Variants in TNN observed in about 807,000 individuals in gnomAD.
TNN encodes tenascin-N.
Under a neutral mutation model 134.4 loss-of-function variants are expected in TNN, and 122 were observed. That is an observed-to-expected ratio of 0.91 (90% CI 0.78 to 1.06). The LOEUF (loss-of-function observed/expected upper bound fraction) is 1.06, where lower values mean the gene tolerates loss of function less well. Ranked by LOEUF, TNN falls within the 50% of genes least tolerant of loss-of-function variation. The probability of loss-of-function intolerance (pLI) is 0.00; values close to 1 mark genes in which losing one functional copy is unlikely to be tolerated. For synonymous variants in TNN, 710 were observed against 670.3 expected, an observed-to-expected ratio of 1.06 and a Z score of -0.91; for missense variants, 1,739 against 1,699.4, an observed-to-expected ratio of 1.02 and a Z score of -0.41.
At chr1:175,091,648 G>A (rs941849088) in intron 6 of TNN, among the ~76,000 whole-genome samples, 1 of 151,412 alleles carries the variant, frequency 6.6e-6, no homozygotes, top group African/African-American at 2.4e-5. Flanking sequence ...GGAGTGTGGT[G>A]CATGATCTCA....
Position 175,123,602 on chromosome 1 carries a change from G to T in TNN, c.2853G>T (p.Val951=). Residue 951 remains valine, a synonymous_variant, in exon 12 of 19, where the codon GTG becomes GTT. Coordinates refer to ENST00000239462, the MANE Select transcript of TNN (RefSeq NM_022093.2). ...TGLRPGMEYM[V]HVWAQKGAQE... ...TGAGACCAGGCATGGAGTACATGGT[G>T]CACGTGTGGGCCCAGAAGGGGGCCC... 1 of 1,614,174 alleles carries T rather than the reference G, an allele frequency of 6.2e-7. No homozygotes were observed. Among genetic ancestry groups the T allele is most frequent in the Non-Finnish European group, 8.5e-7 (1 of 1,180,030 alleles).
chr1:175,142,750 TG>T (rs1675969828), intron 17 of TNN, among the ~76,000 whole-genome samples: 1 of 152,178 alleles, frequency 6.6e-6, no homozygotes, highest in African/African-American at 2.4e-5. Flanking sequence ...CCAGAGTAGC[TG>T]GGACTACAGG....
intron 9 of TNN, among the ~76,000 whole-genome samples, chr1:175,116,097 G>T (rs1396287300): frequency 3.3e-5 from 5 of 152,032 alleles, no homozygotes; most frequent in Admixed American, 1.3e-4. Flanking sequence ...TTGTGCAGAA[G>T]ATGAGTGTCA....
intron 17 of TNN, among the ~76,000 whole-genome samples, chr1:175,141,478 G>T (rs556863644): frequency 6.6e-6 from 1 of 152,016 alleles, no homozygotes; most frequent in Non-Finnish European, 1.5e-5. Flanking sequence ...TTAAATGCTG[G>T]CACCTGAAAA....
chr1:175,117,420 A>G (rs1381107609), intron 10 of TNN, among the ~76,000 whole-genome samples: 1 of 152,214 alleles, frequency 6.6e-6, no homozygotes, highest in Admixed American at 6.5e-5. Flanking sequence ...AGCTATGATT[A>G]CATGGTCATG....
intron 5 of TNN, 45 bp from the exon 6 acceptor site, chr1:175,085,360 G>A (rs1427654016): frequency 8.0e-7 from 1 of 1,243,274 alleles, no homozygotes; most frequent in Admixed American, 1.7e-5. Flanking sequence ...GGGGAGAGGG[G>A]TCTGGAGCCT....
chr1:175,098,507 C>T lies in TNN; in HGVS notation c.2031C>T (p.Gly677=), dbSNP rs770157417. The change falls in exon 9 of 19, where the codon GGC becomes GGT. Residue 677 remains glycine, a synonymous_variant. Transcript: ENST00000239462. ...GKEQSSTVLT[G]LRPGMEYMVH... is the part of the protein sequence containing the mutation. The stretch of plus-strand genomic sequence containing the variant: ...AGCAGAGCAGCACAGTCCTGACAGG[C>T]CTGAGACCGGGTATGGAGTACATGG... 1.5e-5 allele frequency: 24 copies of T among 1,614,118 alleles called. No individual in the cohort carries two copies. Among genetic ancestry groups the T allele is most frequent in the Non-Finnish European group, 1.5e-5 (18 of 1,180,036 alleles).
At chr1:175,135,986 T>C (rs1236931515) in intron 16 of TNN, 45 bp downstream of exon 16, 1 of 1,409,982 alleles carries the variant, frequency 7.1e-7, no homozygotes, top group Non-Finnish European at 1.0e-6. Flanking sequence ...GGGGGTGATT[T>C]CTCCCAGGAC....
In TNN at chr1:175,136,840, C is replaced by T; in HGVS notation, c.3447C>T (p.Asn1149=). ...EFWLGLDKLH[N]LTTGTPARYE... is the part of the protein sequence containing the mutation. ...TTTTAGGACTTGACAAGCTACACAA[C>T]CTCACCACCGGCACTCCAGCGCGGT... The change falls in exon 17 of 19, where the codon AAC becomes AAT. Residue 1149 remains asparagine (N), a synonymous_variant. Coordinates refer to ENST00000239462, the MANE Select transcript of TNN (RefSeq NM_022093.2). 6.2e-7 allele frequency: 1 copy of T among 1,613,968 alleles called. No homozygotes were observed. The highest frequency in any genetic ancestry group is 8.5e-7 in the Non-Finnish European group (1 of 1,179,942).
At chr1:175,145,558 A>AAAAAAAAAAAAAAAAAAC (rs1676043792) in intron 18 of TNN, among the ~76,000 whole-genome samples, 1 of 146,314 alleles carries the variant, frequency 6.8e-6, no homozygotes. Context: ...GTCTCAAAAA[A>AAAAAAAAAAAAAAAAAAC]AAAAAAAAAA....
chr1:175,144,234 T>C (rs1385545018), intron 17 of TNN, among the ~76,000 whole-genome samples, 153 bp from the exon 18 acceptor site: 3 of 152,084 alleles, frequency 2.0e-5, no homozygotes, highest in Non-Finnish European at 2.9e-5. Flanking sequence ...ATGTTCCCAT[T>C]TGGGCTGTTT....
intron 9 of TNN, among the ~76,000 whole-genome samples, chr1:175,108,408 G>A (rs956957274): frequency 4.6e-5 from 7 of 152,366 alleles, no homozygotes; most frequent in Middle Eastern, 3.4e-3. Flanking sequence ...AGTGGATCCC[G>A]CACTGGGGCT....
At chr1:175,122,069 C>T (rs1001588091) in intron 11 of TNN, among the ~76,000 whole-genome samples, 2 of 151,974 alleles carry the variant, frequency 1.3e-5, no homozygotes. Flanking sequence ...AGTGAGATCA[C>T]CTAGGTGGAA....
rs763957240 is a variant in TNN at position 175,094,090 on chromosome 1, G to A, written c.1425G>A (p.Val475=). 5 of 1,614,206 alleles carry A rather than the reference G, an allele frequency of 3.1e-6. No individual in the cohort carries two copies. In the South Asian group the frequency reaches 4.4e-5, roughly 14 times the overall value. The part of the protein sequence containing the change: ...PVQAVIDKYV[V]RYTSADGDTK... Reference sequence around the variant, plus strand: ...AGGCTGTCATAGACAAGTATGTAGTGCGCTACACTTCTGCTGATGGGGACA... The same window carrying A: ...AGGCTGTCATAGACAAGTATGTAGTACGCTACACTTCTGCTGATGGGGACA... The change falls in exon 7 of 19, where the codon GTG becomes GTA. Residue 475 remains valine (V), a synonymous_variant. Coordinates refer to ENST00000239462, the MANE Select transcript of TNN (RefSeq NM_022093.2).
intron 2 of TNN, 128 bp downstream of exon 2, chr1:175,077,955 C>A: frequency 1.1e-6 from 1 of 947,618 alleles, no homozygotes; most frequent in Non-Finnish European, 1.6e-6. Context: ...TGGGTTTTCT[C>A]TAGGGGGCCC....
intron 17 of TNN, among the ~76,000 whole-genome samples, chr1:175,139,950 C>G (rs1199669735): frequency 6.6e-6 from 1 of 152,140 alleles, no homozygotes; most frequent in Non-Finnish European, 1.5e-5. Flanking sequence ...ACATGAAAGT[C>G]AGATATAGAA....
intron 9 of TNN, among the ~76,000 whole-genome samples, chr1:175,101,288 C>T (rs1281026325): frequency 6.6e-6 from 1 of 151,934 alleles, no homozygotes; most frequent in Non-Finnish European, 1.5e-5. Flanking sequence ...GTGAGTGTTA[C>T]AGCTCTTAAG....
At chr1:175,130,711 AT>A (rs2101846700) in intron 15 of TNN, among the ~76,000 whole-genome samples, 1 of 152,282 alleles carries the variant, frequency 6.6e-6, no homozygotes, top group African/African-American at 2.4e-5. Context: ...AGTGCCTACT[AT>A]GTGTCGGCAC....
intron 9 of TNN, among the ~76,000 whole-genome samples, chr1:175,112,347 C>G (rs1351283493): frequency 6.6e-6 from 1 of 151,888 alleles, no homozygotes; most frequent in East Asian, 1.9e-4. Flanking sequence ...CACTTGTATC[C>G]TCTTGCTGAA....
Sources: allele counts gnomAD v4.1 joint callset (sites outside exome capture counted in the v4.1 genomes callset), GRCh38; gene constraint gnomAD v4.1.1; transcripts MANE v1.5; gene names NCBI Gene and HGNC (gene_info 2026-07-23, HGNC 2026-07-21).